Variants in KCNH5 observed in about 807,000 individuals in gnomAD.
KCNH5 encodes the protein potassium voltage-gated channel subfamily H member 5, also known as voltage-gated delayed rectifier potassium channel KCNH5.
In KCNH5, 46 loss-of-function variants were observed where a neutral mutation model predicts 96.1. That is an observed-to-expected ratio of 0.48 (90% confidence interval 0.38 to 0.61). The LOEUF is 0.61. Ranked by LOEUF, KCNH5 falls within the 20% of genes least tolerant of loss-of-function variation. The pLI is 0.00. For synonymous variants in KCNH5, 439 were observed against 449.8 expected, an observed-to-expected ratio of 0.98 and a Z score of 0.30; for missense variants, 907 against 1,225.8, an observed-to-expected ratio of 0.74 and a Z score of 3.88.
At chr14:62,924,546 A>G (rs557574035) in intron 7 of KCNH5, among the ~76,000 whole-genome samples, 10 of 152,134 alleles carry the variant, frequency 6.6e-5, no homozygotes, top group African/African-American at 2.4e-4. Context: ...ATTATTTACA[A>G]TAGCCAAGAT....
chr14:62,818,118 G>C (rs953700698), intron 8 of KCNH5, among the ~76,000 whole-genome samples: 8 of 108,150 alleles, frequency 7.4e-5, no homozygotes, highest in East Asian at 3.3e-4. Context: ...GCGGGGGGGG[G>C]GTGGAAGAAA....
At chr14:62,851,018 G>A (rs1887793689) in intron 7 of KCNH5, among the ~76,000 whole-genome samples, 1 of 152,150 alleles carries the variant, frequency 6.6e-6, no homozygotes, top group South Asian at 2.1e-4. Flanking sequence ...TCAAGCTAGT[G>A]AAGCAACTTA....
intron 5 of KCNH5, among the ~76,000 whole-genome samples, chr14:62,981,649 C>A (rs1054332707): frequency 1.3e-5 from 2 of 152,186 alleles, no homozygotes; most frequent in African/African-American, 4.8e-5. Flanking sequence ...TTTAGCACCT[C>A]AGGAAGCATA....
At chr14:62,810,701 G>A (rs534692318) in intron 8 of KCNH5, among the ~76,000 whole-genome samples, 2 of 152,152 alleles carry the variant, frequency 1.3e-5, no homozygotes, top group South Asian at 2.1e-4. Flanking sequence ...CTAAAAAGGG[G>A]AAGCATGAAT....
At chr14:62,827,913 T>G (rs1051036290) in intron 8 of KCNH5, among the ~76,000 whole-genome samples, 7 of 152,208 alleles carry the variant, frequency 4.6e-5, no homozygotes, top group Admixed American at 4.6e-4. Context: ...ACATGTCTTC[T>G]CTATTACATG....
chr14:62,741,535 T>C (rs2139935233), intron 10 of KCNH5, among the ~76,000 whole-genome samples: 1 of 152,226 alleles, frequency 6.6e-6, no homozygotes, highest in African/African-American at 2.4e-5. Flanking sequence ...GTGGCTGACG[T>C]TTGGTCCCCT....
At chr14:62,853,274 C>T (rs973988863) in intron 7 of KCNH5, among the ~76,000 whole-genome samples, 1 of 151,808 alleles carries the variant, frequency 6.6e-6, no homozygotes, top group Non-Finnish European at 1.5e-5. Flanking sequence ...ACTAAACCTC[C>T]GTTGGCCTCT....
intron 7 of KCNH5, among the ~76,000 whole-genome samples, chr14:62,870,355 T>C (rs1402497531): frequency 6.6e-6 from 1 of 152,208 alleles, no homozygotes; most frequent in Non-Finnish European, 1.5e-5. Flanking sequence ...CTGCTATATA[T>C]ACAAATGTCA....
At chr14:62,907,533 A>G (rs375112378) in intron 7 of KCNH5, among the ~76,000 whole-genome samples, 2 of 152,200 alleles carry the variant, frequency 1.3e-5, no homozygotes, top group African/African-American at 4.8e-5. Flanking sequence ...TTAGTATATA[A>G]TAAGAGTCCT....
chr14:62,965,855 C>A (rs1890295612), intron 6 of KCNH5, among the ~76,000 whole-genome samples: 1 of 151,926 alleles, frequency 6.6e-6, no homozygotes, highest in Non-Finnish European at 1.5e-5. Flanking sequence ...AATAGATGTT[C>A]TTTTTTAAAA....
chr14:62,734,868 G>C (rs1342671820), intron 10 of KCNH5, among the ~76,000 whole-genome samples: 1 of 151,856 alleles, frequency 6.6e-6, no homozygotes, highest in Non-Finnish European at 1.5e-5. Flanking sequence ...ATAAACCCTT[G>C]TTATGCTTTA....
At chr14:62,792,820 A>C (rs916562503) in intron 9 of KCNH5, among the ~76,000 whole-genome samples, 3 of 151,738 alleles carry the variant, frequency 2.0e-5, no homozygotes, top group African/African-American at 7.2e-5. Flanking sequence ...TATTGAAATC[A>C]AAATCTCAAA....
intron 7 of KCNH5, among the ~76,000 whole-genome samples, chr14:62,869,062 T>C (rs1422634608): frequency 6.6e-6 from 1 of 152,218 alleles, no homozygotes; most frequent in African/African-American, 2.4e-5. Context: ...AGTAATGGGA[T>C]TGCTTGGTCA....
chr14:62,865,399 C>T (rs550231884), intron 7 of KCNH5, among the ~76,000 whole-genome samples: 1 of 150,446 alleles, frequency 6.6e-6, no homozygotes, highest in Admixed American at 6.6e-5. Context: ...GGGAAAGAGA[C>T]TGAAGACAGG....
intron 7 of KCNH5, among the ~76,000 whole-genome samples, chr14:62,873,457 C>A (rs1172264194): frequency 1.3e-5 from 2 of 151,954 alleles, no homozygotes; most frequent in South Asian, 2.1e-4. Flanking sequence ...AAAATAAGAA[C>A]AATATATAAA....
intron 1 of KCNH5, among the ~76,000 whole-genome samples, chr14:63,024,991 A>ATATT (rs1233248536): frequency 1.3e-5 from 2 of 152,168 alleles, no homozygotes; most frequent in African/African-American, 2.4e-5. Context: ...CCTCAATAAA[A>ATATT]TATTTTCAAA....
At chr14:62,777,757 C>G (rs550330736) in intron 10 of KCNH5, among the ~76,000 whole-genome samples, 46 of 152,308 alleles carry the variant, frequency 3.0e-4, no homozygotes, top group African/African-American at 1.1e-3. Flanking sequence ...GAAAAACCAA[C>G]AACAGTTTTC....
chr14:63,019,629 CAT>C (rs1891389338), intron 1 of KCNH5, among the ~76,000 whole-genome samples: 1 of 151,838 alleles, frequency 6.6e-6, no homozygotes, highest in South Asian at 2.1e-4. Context: ...ACTAGATATC[CAT>C]ATGAGCAAAA....
intron 8 of KCNH5, among the ~76,000 whole-genome samples, chr14:62,836,885 G>A (rs2140033041): frequency 6.6e-6 from 1 of 152,236 alleles, no homozygotes; most frequent in Non-Finnish European, 1.5e-5. Flanking sequence ...GTGATTTAGG[G>A]CAGAGGGCAT....
Sources: gnomAD v4.1 joint callset for allele counts (sites outside exome capture counted in the v4.1 genomes callset) on GRCh38, gnomAD v4.1.1 for gene constraint, MANE v1.5 for transcripts, NCBI Gene and HGNC (gene_info 2026-07-23, HGNC 2026-07-21) for gene names.